The following CHN2 variants were observed in gnomAD, a reference collection of about 807,000 sequenced individuals.
The protein encoded by CHN2 is chimerin 2, also known as beta-chimaerin.
A neutral mutation model predicts 56.3 loss-of-function variants in CHN2; 35 were observed. That is an observed-to-expected ratio of 0.62 (90% confidence interval 0.47 to 0.82). CHN2 has a LOEUF of 0.82. Ranked by LOEUF, CHN2 falls within the 40% of genes least tolerant of loss-of-function variation. The pLI is 0.00. For missense variants in CHN2, 491 were observed against 580.5 expected (o/e 0.85, Z 1.58); for synonymous variants, 210 against 212.8 (o/e 0.99, Z 0.12).
chr7:29,154,366 G>A (rs1326508714), intron 2 of CHN2, among the ~76,000 whole-genome samples: 8 of 152,126 alleles, frequency 5.3e-5, no homozygotes, highest in Non-Finnish European at 1.2e-4. Context: ...TAAATGGGTG[G>A]GGCTTCCCCA....
chr7:29,421,985 A>G (rs1804391098), intron 6 of CHN2, among the ~76,000 whole-genome samples: 1 of 152,188 alleles, frequency 6.6e-6, no homozygotes, highest in South Asian at 2.1e-4. Context: ...CATGGGAATC[A>G]CCGAATATGG....
At chr7:29,273,326 C>CAT (rs139183819) in intron 1 of CHN2, among the ~76,000 whole-genome samples, 1,321 of 79,228 alleles carry the variant, frequency 0.017, 79 homozygotes, top group African/African-American at 0.068. Flanking sequence ...TTCCATCATG[C>CAT]ATATATATAT....
At position 29,416,468 on chromosome 7, in the gene CHN2, G is replaced by A. The variant is rs1803753166; in HGVS notation, c.576+15640G>A. Among the ~76,000 whole-genome samples the A allele has an allele frequency of 2.0e-5, 3 of 152,344 alleles. No individual in the cohort carries two copies. In the South Asian group the frequency reaches 6.2e-4, roughly 32 times the overall value. The stretch of plus-strand genomic sequence containing the variant: ...GGGTGAAAAAGGGCAGCAGTGTTGA[G>A]GCTGCTAATCATGTTGGCTCAAGTC... On this transcript the variant is annotated intron_variant, in intron 6 of 12. Coordinates refer to ENST00000222792, the MANE Select transcript of CHN2 (RefSeq NM_004067.4).
In CHN2 at chr7:29,485,305, TA is replaced by T. The variant is rs11403972; in HGVS notation, c.654+4960del. Among the ~76,000 whole-genome samples, 869 of 149,690 alleles carry T rather than the reference TA, an allele frequency of 5.8e-3. 9 individuals are homozygous for T. The highest frequency in any genetic ancestry group is 0.019 in the African/African-American group (767 of 40,990). On this transcript the variant is annotated intron_variant, in intron 7 of 12. Coordinates refer to ENST00000222792, the MANE Select transcript of CHN2 (RefSeq NM_004067.4). ...TAAAATGAAAATATGAGGTTCTTGT[TA>T]AAAAAAAAAATTGAGACTTTCAAAA...
chr7:29,412,985 G>T (rs1315153963), intron 6 of CHN2, among the ~76,000 whole-genome samples: 1 of 152,210 alleles, frequency 6.6e-6, no homozygotes, highest in African/African-American at 2.4e-5. Flanking sequence ...AAATGAAACT[G>T]TCAGGGCTAC....
Position 29,223,031 on chromosome 7 carries a change from A to G in CHN2, c.49+28041A>G, listed in dbSNP as rs984762246. 7.2e-5 allele frequency among the ~76,000 whole-genome samples: 11 copies of G among 152,190 alleles called. No homozygotes were observed. In the East Asian group the frequency reaches 1.7e-3, roughly 24 times the overall value. ...TTGGAAAAGTACACTCAACCCAATTAAAATTTGGGCAAAATACTTGAAAAA... is the reference window on the plus strand; with the variant it reads ...TTGGAAAAGTACACTCAACCCAATTGAAATTTGGGCAAAATACTTGAAAAA... On this transcript the variant is annotated intron_variant, in intron 1 of 12. Transcript: ENST00000222792.
intron 5 of CHN2, among the ~76,000 whole-genome samples, chr7:29,399,367 C>T (rs992452682): frequency 6.6e-6 from 1 of 152,140 alleles, no homozygotes; most frequent in Non-Finnish European, 1.5e-5. Flanking sequence ...CCTTGTTGAC[C>T]CCAGGAACCT....
At chr7:29,431,412 C>A (rs1295179449) in intron 6 of CHN2, among the ~76,000 whole-genome samples, 1 of 152,188 alleles carries the variant, frequency 6.6e-6, no homozygotes, top group Non-Finnish European at 1.5e-5. Context: ...AGATCAGCTT[C>A]TTCCCTCATA....
intron 1 of CHN2, among the ~76,000 whole-genome samples, chr7:29,214,540 C>T (rs1278953102): frequency 6.6e-6 from 1 of 152,156 alleles, no homozygotes; most frequent in East Asian, 1.9e-4. Flanking sequence ...TTATTATCCT[C>T]AGTCAATACT....
chr7:29,434,946 A>G (rs1783113711), intron 6 of CHN2, among the ~76,000 whole-genome samples: 1 of 152,082 alleles, frequency 6.6e-6, no homozygotes, highest in Non-Finnish European at 1.5e-5. Flanking sequence ...ACAAAAAATT[A>G]GCCAGACATG....
chr7:29,188,707 G>A (rs1799015325), intron 2 of CHN2, among the ~76,000 whole-genome samples: 1 of 152,084 alleles, frequency 6.6e-6, no homozygotes, highest in African/African-American at 2.4e-5. Flanking sequence ...ATAAGAAAAT[G>A]CCAGCTGTCT....
At chr7:29,198,042 T>G (rs1783884407) in intron 1 of CHN2, 1 of 456,186 alleles carries the variant, frequency 2.2e-6, no homozygotes, top group Admixed American at 2.3e-5. Context: ...TACAGGCCCA[T>G]AAGCAGCATC....
intron 5 of CHN2, among the ~76,000 whole-genome samples, chr7:29,399,457 G>C (rs76285687): frequency 0.014 from 2,152 of 152,244 alleles, 11 homozygotes; most frequent in Non-Finnish European, 0.023. Flanking sequence ...AAAATCACAA[G>C]TATTAAACAT....
At chr7:29,301,692 C>A (rs1793678852) in intron 1 of CHN2, among the ~76,000 whole-genome samples, 1 of 152,140 alleles carries the variant, frequency 6.6e-6, no homozygotes. Context: ...ATGAATTATA[C>A]TACTCACCCT....
chr7:29,336,759 CAAAAAAAA>C (rs5883205), intron 1 of CHN2, among the ~76,000 whole-genome samples: 1,286 of 68,518 alleles, frequency 0.019, 36 homozygotes, highest in African/African-American at 0.066. Flanking sequence ...GATTCTGTCT[CAAAAAAAA>C]AAAAAAAAAA....
chr7:29,147,855 C>A (rs994136206), intron 2 of CHN2, among the ~76,000 whole-genome samples: 1 of 152,216 alleles, frequency 6.6e-6, no homozygotes, highest in African/African-American at 2.4e-5. Flanking sequence ...GTTCTACCTT[C>A]CTACCTAGAC....
intron 1 of CHN2, among the ~76,000 whole-genome samples, chr7:29,269,123 AG>A (rs1790402974): frequency 6.6e-6 from 1 of 152,168 alleles, no homozygotes; most frequent in South Asian, 2.1e-4. Context: ...TGTTAGTTAT[AG>A]TCACTCTATT....
chr7:29,413,326 C>T (rs745830265), intron 6 of CHN2, among the ~76,000 whole-genome samples: 5 of 152,158 alleles, frequency 3.3e-5, no homozygotes, highest in African/African-American at 4.8e-5. Flanking sequence ...CACTTTAATA[C>T]CCAAGTTGAG....
chr7:29,185,378 A>G (rs1798585426), intron 2 of CHN2: 1 of 152,150 alleles, frequency 6.6e-6, no homozygotes, highest in African/African-American at 2.4e-5. Flanking sequence ...ATGTCATGCT[A>G]ATGTTAGATT....
Sources: allele counts gnomAD v4.1 joint callset (sites outside exome capture counted in the v4.1 genomes callset), GRCh38; gene constraint gnomAD v4.1.1; transcripts MANE v1.5; gene names NCBI Gene and HGNC (gene_info 2026-07-23, HGNC 2026-07-21).